POGZ: variants seen among roughly 807,000 people sequenced by gnomAD.
POGZ encodes the protein pogo transposable element with ZNF domain.
In POGZ, 17 loss-of-function variants were observed where a neutral mutation model predicts 134.6. The observed-to-expected ratio is 0.13, with a 90% confidence interval of 0.09 to 0.19. The LOEUF (loss-of-function observed/expected upper bound fraction) is 0.19. POGZ is among the 10% of genes least tolerant of loss of function. POGZ has a pLI of 1.00. For synonymous variants in POGZ, 693 were observed against 657.1 expected (o/e 1.05, Z -0.84); for missense variants, 1,306 against 1,769.7 (o/e 0.74, Z 4.70).
chr1:151,407,004 T>A lies in POGZ; in HGVS notation c.2452A>T (p.Thr818Ser), dbSNP rs2102155573. 1 of 1,613,968 alleles carries A rather than the reference T, an allele frequency of 6.2e-7. No individual in the cohort carries two copies. The highest frequency in any genetic ancestry group is 1.3e-5 in the African/African-American group (1 of 75,048). ...ACAGAGGTAACAAAGGTACATGAAG[T>A]GCAGGCCAGCTTGATTCCACTAAAA... ...NSVSGIKLAC[T>S]SCTFVTSVGD... is the part of the protein sequence containing the mutation. Residue 818 changes from threonine (T) to serine (S), a missense_variant, in exon 17 of 19, where the codon ACT (threonine) becomes TCT (serine). Thr to Ser is a moderately conservative substitution (Grantham distance 58, BLOSUM62 1). This residue lies in a region of POGZ where 34 missense variants were observed against 95.5 expected (regional missense o/e 0.36). Transcript: ENST00000271715.
chr1:151,458,863 G>T (rs1663138236), intron 1 of POGZ, among the ~76,000 whole-genome samples: 1 of 145,328 alleles, frequency 6.9e-6, no homozygotes, highest in African/African-American at 2.5e-5. Context: ...CCGGCCAGCC[G>T]GCAGGCAGGG....
intron 3 of POGZ, among the ~76,000 whole-genome samples, chr1:151,438,742 G>A (rs1660038116): frequency 6.6e-6 from 1 of 152,158 alleles, no homozygotes; most frequent in Non-Finnish European, 1.5e-5. Context: ...GCCAGGCATG[G>A]TGGCATGTGC....
At position 151,407,964 on chromosome 1, in the gene POGZ, A is replaced by T. The variant is rs1653955004; in HGVS notation, c.2375+136T>A. 4.6e-6 allele frequency: 3 copies of T among 647,486 alleles called. No homozygotes were observed. The South Asian group carries it at 6.7e-5, about 14-fold the overall frequency. The allele number at this position is 647,486 out of a possible 1,614,324, so 40.1% of individuals were successfully genotyped here. On this transcript the variant is annotated intron_variant, in intron 15 of 18. Coordinates refer to ENST00000271715, the MANE Select transcript of POGZ (RefSeq NM_015100.4). ...GAGGCAGAGGTTGCAGTGAGCCAAGATCATGCTATTGCACTCCAGCCTAGG... is the reference window on the plus strand; with the variant it reads ...GAGGCAGAGGTTGCAGTGAGCCAAGTTCATGCTATTGCACTCCAGCCTAGG...
chr1:151,442,004 A>G (rs1469124272), intron 2 of POGZ, 77 bp downstream of exon 2: 1 of 1,073,652 alleles, frequency 9.3e-7, no homozygotes, highest in Admixed American at 2.0e-5. Context: ...GTCCTTTTCC[A>G]TCTCACACTT....
intron 7 of POGZ, chr1:151,426,188 CT>C (rs534328862): frequency 2.5e-3 from 347 of 141,182 alleles, no homozygotes; most frequent in Middle Eastern, 7.2e-3. Flanking sequence ...TACTTTCCTA[CT>C]TTTTTTTTTT....
intron 17 of POGZ, 49 bp downstream of exon 17, chr1:151,406,862 T>C (rs770879999): frequency 7.1e-6 from 10 of 1,407,460 alleles, no homozygotes; most frequent in African/African-American, 1.4e-5. Flanking sequence ...TACGAACCTG[T>C]ATCTTTTTTC....
chr1:151,414,614 C>T (rs1655297211), intron 10 of POGZ, among the ~76,000 whole-genome samples: 1 of 152,084 alleles, frequency 6.6e-6, no homozygotes, highest in African/African-American at 2.4e-5. Flanking sequence ...GAAACCCTGT[C>T]TCTACTAAAA....
chr1:151,452,250 T>C lies in POGZ; in HGVS notation c.-2+6902A>G, dbSNP rs1239389460. On this transcript the variant is annotated intron_variant, in intron 1 of 18. Transcript: ENST00000271715. ...TTTTAAACAGAAAGGATAATCATATTATATTCATGTAGGAGAATGTATTTA... is the reference window on the plus strand; with the variant it reads ...TTTTAAACAGAAAGGATAATCATATCATATTCATGTAGGAGAATGTATTTA... Among the ~76,000 whole-genome samples, 3 of 151,932 alleles carry C rather than the reference T, an allele frequency of 2.0e-5. No individual in the cohort carries two copies. In the East Asian group the frequency reaches 5.8e-4, roughly 29 times the overall value.
At chr1:151,449,967 A>G (rs1346738767) in intron 1 of POGZ, among the ~76,000 whole-genome samples, 1 of 151,924 alleles carries the variant, frequency 6.6e-6, no homozygotes. Flanking sequence ...ATTTTTTTAT[A>G]AAATCCATAT....
chr1:151,438,552 G>A lies in POGZ; in HGVS notation c.283+2376C>T, dbSNP rs979894066. Among the ~76,000 whole-genome samples the A allele has an allele frequency of 3.9e-5, 6 of 152,100 alleles. No homozygotes were observed. The East Asian group carries it at 1.2e-3, about 29-fold the overall frequency. On this transcript the variant is annotated intron_variant, in intron 3 of 18. Coordinates refer to ENST00000271715, the MANE Select transcript of POGZ (RefSeq NM_015100.4). Reference sequence around the variant, plus strand: ...ATCAAGGGTACATTCAAGGAGTCAAGGAGACTAGGTCATCTCAGCATGTCA... The same window carrying A: ...ATCAAGGGTACATTCAAGGAGTCAAAGAGACTAGGTCATCTCAGCATGTCA...
intron 1 of POGZ, among the ~76,000 whole-genome samples, chr1:151,449,873 C>A (rs956295932): frequency 6.6e-6 from 1 of 152,122 alleles, no homozygotes; most frequent in Non-Finnish European, 1.5e-5. Context: ...GGAGACAGTG[C>A]GAGACTCCGT....
At chr1:151,447,642 ATTTT>A (rs35308281) in intron 1 of POGZ, among the ~76,000 whole-genome samples, 11 of 52,934 alleles carry the variant, frequency 2.1e-4, no homozygotes, top group Non-Finnish European at 3.0e-4. Flanking sequence ...TGTCTGGCTA[ATTTT>A]TTTTTTTTTT....
Position 151,406,275 on chromosome 1 carries a change from G to C in POGZ, c.2760C>G (p.Thr920=). Residue 920 remains threonine, a synonymous_variant, in exon 19 of 19, where the codon ACC becomes ACG. Coordinates refer to ENST00000271715, the MANE Select transcript of POGZ (RefSeq NM_015100.4). ...GGGCTAAAGCCTGCGGGTGAGTGGG[G>C]GTTGGTGGTGGGGTTGCAGTTGAGG... ...SPASTATPPP[T]PTHPQALALP... is the part of the protein sequence containing the mutation. The C allele has an allele frequency of 6.2e-7, 1 of 1,612,468 alleles. No homozygotes were observed. The highest frequency in any genetic ancestry group is 8.5e-7 in the Non-Finnish European group (1 of 1,178,974).
intron 10 of POGZ, among the ~76,000 whole-genome samples, chr1:151,415,625 C>T (rs1464110046): frequency 2.1e-5 from 3 of 146,276 alleles, no homozygotes; most frequent in South Asian, 2.2e-4. Flanking sequence ...GAGCCGAGAT[C>T]GCACCACTGC....
At chr1:151,440,552 A>G (rs1660365755) in intron 3 of POGZ, among the ~76,000 whole-genome samples, 1 of 152,210 alleles carries the variant, frequency 6.6e-6, no homozygotes, top group Non-Finnish European at 1.5e-5. Flanking sequence ...CTGCCAGAGA[A>G]AATACAGAAC....
chr1:151,415,563 C>T (rs964536135), intron 10 of POGZ, among the ~76,000 whole-genome samples: 3 of 148,376 alleles, frequency 2.0e-5, no homozygotes, highest in African/African-American at 7.5e-5. Context: ...CCCAGCTACT[C>T]GGGAGGCTGA....
rs761846366 is a variant in POGZ, at chr1:151,404,838, G to A, written c.4197C>T (p.Gly1399=). 1.2e-6 allele frequency: 2 copies of A among 1,611,966 alleles called. No individual in the cohort carries two copies. The highest frequency in any genetic ancestry group is 2.7e-5 in the African/African-American group (2 of 74,322). The change falls in exon 19 of 19, where the codon GGC becomes GGT. Residue 1399 remains glycine (G), a synonymous_variant. Transcript: ENST00000271715. ...TCAGATCTAGGTCAGCTTCTTCAAA[G>A]CCATAGAAAGACTCGGTCTCACTTT... ...EGESETESFY[G]FEEADLDLME...
chr1:151,404,994 C>T lies in POGZ; in HGVS notation c.4041G>A (p.Glu1347=). The T allele has an allele frequency of 1.2e-6, 2 of 1,614,180 alleles. No individual in the cohort carries two copies. Among genetic ancestry groups the T allele is most frequent in the Non-Finnish European group, 1.7e-6 (2 of 1,180,016 alleles). Residue 1347 remains glutamate (E), a synonymous_variant, in exon 19 of 19, where the codon GAG becomes GAA. Transcript: ENST00000271715. ...NSPTRNADMQ[E]ELIASLEEQL... ...GCTCCTCTAGGGAGGCAATTAGCTC[C>T]TCCTGCATGTCAGCATTTCTTGTAG...
chr1:151,428,676 A>G (rs1209418680), intron 5 of POGZ, among the ~76,000 whole-genome samples: 1 of 152,236 alleles, frequency 6.6e-6, no homozygotes, highest in Non-Finnish European at 1.5e-5. Flanking sequence ...TTTAATTCTA[A>G]GAATACAATC....
Sources: gnomAD v4.1 joint callset for allele counts (sites outside exome capture counted in the v4.1 genomes callset) on GRCh38, gnomAD v4.1.1 for gene constraint, gnomAD v4.1.1 regional missense constraint, MANE v1.5 for transcripts, NCBI Gene and HGNC (gene_info 2026-07-23, HGNC 2026-07-21) for gene names.